Variants in ZBTB46 observed in about 807,000 individuals in gnomAD.
The protein encoded by ZBTB46 is zinc finger and BTB domain-containing protein 46.
ZBTB46 carries 8 observed loss-of-function variants against 44.1 expected under a neutral mutation model. The ratio of observed to expected loss-of-function variants is 0.18; its 90% CI spans 0.11 to 0.33. The LOEUF (loss-of-function observed/expected upper bound fraction) is 0.33. ZBTB46 is among the 10% of genes least tolerant of loss of function. ZBTB46 has a pLI of 1.00. For synonymous variants in ZBTB46, 409 were observed against 382.3 expected (o/e 1.07, Z -0.81); for missense variants, 651 against 847.7 (o/e 0.77, Z 2.88).
chr20:63,819,800 G>T (rs1181182757), intron 1 of ZBTB46, among the ~76,000 whole-genome samples: 1 of 152,160 alleles, frequency 6.6e-6, no homozygotes, highest in Admixed American at 6.5e-5. Context: ...CAACTGGGAC[G>T]CTCGGAGCAC....
At chr20:63,759,431 C>G (rs971888769) in intron 3 of ZBTB46, among the ~76,000 whole-genome samples, 2 of 151,964 alleles carry the variant, frequency 1.3e-5, no homozygotes, top group Non-Finnish European at 2.9e-5. Context: ...TGCCATGTTG[C>G]CCAGGCTGGT....
chr20:63,830,448 C>T (rs891618105), intron 1 of ZBTB46, among the ~76,000 whole-genome samples: 1 of 150,940 alleles, frequency 6.6e-6, no homozygotes, highest in African/African-American at 2.4e-5. Context: ...CCCCGAGGCC[C>T]CTGCGCCCCG....
intron 1 of ZBTB46, among the ~76,000 whole-genome samples, chr20:63,821,128 T>C (rs1568907962): frequency 6.6e-6 from 1 of 151,538 alleles, no homozygotes; most frequent in South Asian, 2.1e-4. Context: ...CTTGACCTCA[T>C]GATCCGCCCG....
chr20:63,802,489 A>G (rs1239731962), intron 1 of ZBTB46, among the ~76,000 whole-genome samples: 1 of 151,846 alleles, frequency 6.6e-6, no homozygotes, highest in Non-Finnish European at 1.5e-5. Context: ...AGGGGAAGAA[A>G]TTTGGACACA....
chr20:63,775,958 C>A lies in ZBTB46; in HGVS notation c.942G>T (p.Ala314=). The A allele has an allele frequency of 6.4e-7, 1 of 1,559,542 alleles. No homozygotes were observed. Among genetic ancestry groups the A allele is most frequent in the Non-Finnish European group, 8.6e-7 (1 of 1,157,188 alleles). Residue 314 remains alanine (A), a synonymous_variant, in exon 3 of 5, where the codon GCG becomes GCT. Transcript: ENST00000245663. ...TGCTGGCTTCGGTGACGGACAGGTC[C>A]GCATCTGGGGACAGAGGGACACACG... The part of the protein sequence containing the change: ...GWPFSSRDSN[A]DLSVTEASSS...
chr20:63,789,342 G>A (rs953764438), intron 2 of ZBTB46, among the ~76,000 whole-genome samples: 2 of 152,176 alleles, frequency 1.3e-5, no homozygotes, highest in Non-Finnish European at 2.9e-5. Flanking sequence ...TATAGCAACA[G>A]TGACCAAAGG....
intron 2 of ZBTB46, among the ~76,000 whole-genome samples, chr20:63,776,404 G>T (rs1328839965): frequency 1.3e-5 from 2 of 152,202 alleles, no homozygotes; most frequent in Non-Finnish European, 2.9e-5. Flanking sequence ...AAGAAAATCC[G>T]CATGATCTCA....
At chr20:63,769,308 C>T (rs2092347226) in intron 3 of ZBTB46, 1 of 985,322 alleles carries the variant, frequency 1.0e-6, no homozygotes, top group Non-Finnish European at 1.2e-6. Flanking sequence ...CCCCAGAGCT[C>T]ATCCTGTGGC....
At chr20:63,750,997 G>A (rs983028061) in intron 4 of ZBTB46, among the ~76,000 whole-genome samples, 9 of 152,140 alleles carry the variant, frequency 5.9e-5, no homozygotes, top group African/African-American at 2.2e-4. Flanking sequence ...TTTACTGAGA[G>A]GTTAATACGG....
chr20:63,819,938 A>G (rs548642840), intron 1 of ZBTB46, among the ~76,000 whole-genome samples: 1 of 152,358 alleles, frequency 6.6e-6, no homozygotes, highest in African/African-American at 2.4e-5. Flanking sequence ...AACTAAAATA[A>G]AAGCAACGAA....
chr20:63,780,422 C>T (rs2092459369), intron 2 of ZBTB46, among the ~76,000 whole-genome samples: 1 of 152,170 alleles, frequency 6.6e-6, no homozygotes, highest in African/African-American at 2.4e-5. Context: ...TCAAGCTGAT[C>T]TCACGCCACA....
At chr20:63,807,896 T>C (rs930341169) in intron 1 of ZBTB46, among the ~76,000 whole-genome samples, 9 of 152,132 alleles carry the variant, frequency 5.9e-5, no homozygotes, top group Admixed American at 5.2e-4. Flanking sequence ...AGTCCCCACC[T>C]TGTGCGGCAC....
At chr20:63,798,193 C>G (rs922962448) in intron 1 of ZBTB46, among the ~76,000 whole-genome samples, 18 of 152,074 alleles carry the variant, frequency 1.2e-4, no homozygotes, top group African/African-American at 4.3e-4. Context: ...AGGAAGGGAT[C>G]CAGTTTCAGC....
At chr20:63,772,868 G>A (rs1291396990) in intron 3 of ZBTB46, among the ~76,000 whole-genome samples, 1 of 152,162 alleles carries the variant, frequency 6.6e-6, no homozygotes, top group African/African-American at 2.4e-5. Flanking sequence ...CTGGGAAAAA[G>A]CCAGAACCAC....
intron 1 of ZBTB46, among the ~76,000 whole-genome samples, chr20:63,809,061 G>A (rs955697832): frequency 6.6e-6 from 1 of 151,848 alleles, no homozygotes; most frequent in Admixed American, 6.6e-5. Context: ...CTGGGAGCTG[G>A]CGGCTCGGTG....
At chr20:63,806,032 C>G (rs2092679264) in intron 1 of ZBTB46, among the ~76,000 whole-genome samples, 1 of 151,494 alleles carries the variant, frequency 6.6e-6, no homozygotes, top group Non-Finnish European at 1.5e-5. Flanking sequence ...GCCTCCGCCT[C>G]CCAAAGTGCT....
intron 1 of ZBTB46, among the ~76,000 whole-genome samples, chr20:63,798,040 CT>C (rs1402138064): frequency 1.3e-5 from 2 of 152,194 alleles, no homozygotes; most frequent in Non-Finnish European, 2.9e-5. Flanking sequence ...GTTGCCATTG[CT>C]TTTGGTGTTT....
intron 3 of ZBTB46, among the ~76,000 whole-genome samples, chr20:63,771,274 C>A (rs967912328): frequency 2.0e-5 from 3 of 151,910 alleles, no homozygotes; most frequent in Non-Finnish European, 4.4e-5. Flanking sequence ...TGCAAGATGG[C>A]GGGGGGGCTA....
Position 63,752,907 on chromosome 20 carries a change from C to A in ZBTB46, c.1223-46G>T. The stretch of plus-strand genomic sequence containing the variant: ...AGGCGTCAGCAGGGCTTGGGATGTA[C>A]CGCCCTGCGGCCCACAGACCACGGC... On this transcript the variant is annotated intron_variant, in intron 3 of 4. Transcript: ENST00000245663. This position sits in a 1 kb window ranked among gnomAD's most constrained non-coding sequence, Gnocchi z 5.6. 6.5e-7 allele frequency: 1 copy of A among 1,547,910 alleles called. No homozygotes were observed. Among genetic ancestry groups the A allele is most frequent in the Non-Finnish European group, 8.8e-7 (1 of 1,142,650 alleles).
Sources: gnomAD v4.1 joint callset for allele counts (sites outside exome capture counted in the v4.1 genomes callset) on GRCh38, gnomAD v4.1.1 for gene constraint, Gnocchi (gnomAD v3.1) non-coding constraint, MANE v1.5 for transcripts, NCBI Gene and HGNC (gene_info 2026-07-23, HGNC 2026-07-21) for gene names.